Variants in DISP1 observed in about 807,000 individuals in gnomAD.
The protein encoded by DISP1 is dispatched RND transporter family member 1.
Under a neutral mutation model 37.3 loss-of-function variants are expected in DISP1, and 30 were observed. That is an observed-to-expected ratio of 0.80 (90% CI 0.60 to 1.09). DISP1 has a LOEUF of 1.09. DISP1 is among the 50% of genes least tolerant of loss of function. The pLI is 0.00. For missense variants in DISP1, 1,598 were observed against 1,879.5 expected (o/e 0.85, Z 2.77); for synonymous variants, 634 against 690.2 (o/e 0.92, Z 1.28).
chr1:222,874,552 G>A (rs931333176), intron 1 of DISP1, among the ~76,000 whole-genome samples: 6 of 151,976 alleles, frequency 3.9e-5, no homozygotes, highest in Admixed American at 2.0e-4. Context: ...TGATTGCATC[G>A]GTTACTGAGG....
intron 1 of DISP1, among the ~76,000 whole-genome samples, chr1:222,875,099 A>G (rs1053172084): frequency 2.0e-5 from 3 of 152,118 alleles, no homozygotes; most frequent in Non-Finnish European, 4.4e-5. Context: ...AGAAAATGAG[A>G]GAGAATTTGG....
At chr1:222,824,286 A>G (rs1663725061) in intron 1 of DISP1, among the ~76,000 whole-genome samples, 1 of 152,188 alleles carries the variant, frequency 6.6e-6, no homozygotes, top group African/African-American at 2.4e-5. Flanking sequence ...TATGCCAGAC[A>G]CTGCAGTGAG....
rs574488303 is a variant in DISP1 at position 222,985,271 on chromosome 1, T to G, written c.539+2162T>G. Reference sequence around the variant, plus strand: ...AAATATAACTTCTTCAACAAAGCCTTTCCTGATTCCCCTTTCCCACCTTGG... The same window carrying G: ...AAATATAACTTCTTCAACAAAGCCTGTCCTGATTCCCCTTTCCCACCTTGG... On this transcript the variant is annotated intron_variant, in intron 4 of 8. Coordinates refer to ENST00000675850, the MANE Select transcript of DISP1 (RefSeq NM_001377229.1). Among the ~76,000 whole-genome samples, 17 of 152,374 alleles carry G rather than the reference T, an allele frequency of 1.1e-4. 1 individual carries two copies. The South Asian group carries it at 3.1e-3, about 28-fold the overall frequency.
intron 1 of DISP1, among the ~76,000 whole-genome samples, chr1:222,844,726 G>C (rs1219757729): frequency 6.6e-6 from 1 of 152,056 alleles, no homozygotes; most frequent in African/African-American, 2.4e-5. Flanking sequence ...CAAAAAATGC[G>C]TTATGCAGCA....
intron 7 of DISP1, among the ~76,000 whole-genome samples, chr1:222,992,612 G>C (rs2102749405): frequency 6.6e-6 from 1 of 152,236 alleles, no homozygotes; most frequent in Middle Eastern, 3.4e-3. Flanking sequence ...CTCATCACTA[G>C]GCAGTAGAGG....
rs190160948 is a variant in DISP1, at chr1:222,883,445, G to A, written c.-158-44985G>A. Among the ~76,000 whole-genome samples the A allele has an allele frequency of 2.8e-3, 421 of 152,074 alleles. 3 individuals carry two copies. Among genetic ancestry groups the A allele is most frequent in the African/African-American group, 9.7e-3 (404 of 41,478 alleles). ...CCAGCCTGGCCAACATGGTAAAACCGCGTCGCTACTAAAAATACAAAAATT... is the reference window on the plus strand; with the variant it reads ...CCAGCCTGGCCAACATGGTAAAACCACGTCGCTACTAAAAATACAAAAATT... On this transcript the variant is annotated intron_variant, in intron 1 of 8. Coordinates refer to ENST00000675850, the MANE Select transcript of DISP1 (RefSeq NM_001377229.1).
At position 222,902,110 on chromosome 1, in the gene DISP1, C is replaced by T. The variant is rs557732605; in HGVS notation, c.-158-26320C>T. On this transcript the variant is annotated intron_variant, in intron 1 of 8. Coordinates refer to ENST00000675850, the MANE Select transcript of DISP1 (RefSeq NM_001377229.1). ...TGTTGATCTTTTCAAAAAACCAGCT[C>T]CTGGATTCATTAATTTTTTGAAGGG... is the stretch of plus-strand genomic sequence containing the variant. Among the ~76,000 whole-genome samples the T allele has an allele frequency of 8.5e-5, 13 of 152,170 alleles. No homozygotes were observed. In the South Asian group the frequency reaches 2.7e-3, roughly 32 times the overall value.
chr1:222,976,033 G>GA (rs1039026396), intron 3 of DISP1, among the ~76,000 whole-genome samples: 1 of 151,846 alleles, frequency 6.6e-6, no homozygotes, highest in African/African-American at 2.4e-5. Flanking sequence ...TTTCCCAGCA[G>GA]AAAAAAACGC....
At chr1:222,839,285 C>A (rs1446447424) in intron 1 of DISP1, among the ~76,000 whole-genome samples, 1 of 152,180 alleles carries the variant, frequency 6.6e-6, no homozygotes, top group Non-Finnish European at 1.5e-5. Flanking sequence ...AGGTTGCATG[C>A]TTCTTATGAG....
chr1:222,906,513 T>C (rs779612302), intron 1 of DISP1, among the ~76,000 whole-genome samples: 8 of 152,212 alleles, frequency 5.3e-5, no homozygotes, highest in Non-Finnish European at 1.2e-4. Context: ...ATACTGGTCA[T>C]AAAGACCTTG....
At chr1:222,979,923 T>C (rs1475208744) in intron 3 of DISP1, 1 of 153,042 alleles carries the variant, frequency 6.5e-6, no homozygotes, top group Non-Finnish European at 1.5e-5. Flanking sequence ...AGTTCACTTA[T>C]ATATAGATGC....
At chr1:222,822,525 A>G (rs74145577) in intron 1 of DISP1, among the ~76,000 whole-genome samples, 4,503 of 152,300 alleles carry the variant, frequency 0.03, 207 homozygotes, top group African/African-American at 0.1. Context: ...TGTAATTCCA[A>G]CTGTTTTTTA....
chr1:222,883,745 G>A (rs73128638), intron 1 of DISP1, among the ~76,000 whole-genome samples: 1 of 152,256 alleles, frequency 6.6e-6, no homozygotes, highest in East Asian at 1.9e-4. Flanking sequence ...CTTGCAAAAA[G>A]GTCTGTTAAA....
intron 1 of DISP1, among the ~76,000 whole-genome samples, chr1:222,867,889 C>G (rs901893344): frequency 2.0e-5 from 3 of 152,068 alleles, no homozygotes; most frequent in African/African-American, 7.2e-5. Context: ...TTTCTCTACT[C>G]CCTAATGCTT....
intron 1 of DISP1, chr1:222,823,851 C>G (rs761021657): frequency 4.4e-5 from 6 of 137,038 alleles, no homozygotes; most frequent in Non-Finnish European, 9.2e-5. Context: ...TTTTCGGACT[C>G]CTAGTATCTG....
chr1:222,936,049 CT>C (rs1673704168), intron 2 of DISP1, among the ~76,000 whole-genome samples: 1 of 152,122 alleles, frequency 6.6e-6, no homozygotes, highest in Admixed American at 6.5e-5. Context: ...AACACCTTAC[CT>C]TTTTTATGTT....
chr1:223,000,170 T>C (rs1679335223), intron 8 of DISP1, among the ~76,000 whole-genome samples: 1 of 152,344 alleles, frequency 6.6e-6, no homozygotes, highest in African/African-American at 2.4e-5. Context: ...TAGCTGATAA[T>C]GGATTTTCAT....
rs773054769 is a variant in DISP1 at position 222,960,732 on chromosome 1, TAAGAA to T, written c.509+17405_509+17409del. On this transcript the variant is annotated intron_variant, in intron 3 of 8. Transcript: ENST00000675850. ...CAAAATAGACCACTAGCTAGACTAA[TAAGAA>T]AAGAGAGAAGAATCAAATCGACACA... 6.0e-5 allele frequency among the ~76,000 whole-genome samples: 9 copies of T among 148,972 alleles called. No individual in the cohort carries two copies. In the South Asian group the frequency reaches 8.5e-4, roughly 14 times the overall value.
intron 1 of DISP1, among the ~76,000 whole-genome samples, chr1:222,831,988 A>G (rs571700044): frequency 6.6e-6 from 1 of 152,212 alleles, no homozygotes; most frequent in South Asian, 2.1e-4. Context: ...GTGGGTAAGA[A>G]TTACATAGCA....
Sources: allele counts gnomAD v4.1 joint callset (sites outside exome capture counted in the v4.1 genomes callset), GRCh38; gene constraint gnomAD v4.1.1; transcripts MANE v1.5; gene names NCBI Gene and HGNC (gene_info 2026-07-23, HGNC 2026-07-21).